B4GALNT3: variants seen among roughly 807,000 people sequenced by gnomAD.
B4GALNT3 encodes the protein beta-1,4-N-acetyl-galactosaminyltransferase 3.
B4GALNT3 carries 86 observed loss-of-function variants against 120.2 expected under a neutral mutation model. The ratio of observed to expected loss-of-function variants is 0.72; its 90% CI spans 0.60 to 0.86. The LOEUF (loss-of-function observed/expected upper bound fraction) is 0.86. Among genes scored for constraint, B4GALNT3 ranks in the 40% least tolerant of loss-of-function variants. The pLI, the probability that B4GALNT3 is intolerant of heterozygous loss-of-function variation, is 0.00. For missense variants in B4GALNT3, 1,167 were observed against 1,298.9 expected, an observed-to-expected ratio of 0.90 and a Z score of 1.56; for synonymous variants, 518 against 510.4, an observed-to-expected ratio of 1.01 and a Z score of -0.20.
intron 1 of B4GALNT3, among the ~76,000 whole-genome samples, chr12:527,871 T>C (rs1946771510): frequency 6.6e-6 from 1 of 151,524 alleles, no homozygotes; most frequent in Admixed American, 6.6e-5. Context: ...TTTTGGGGGC[T>C]TACATGGAGA....
rs1413536564 is a variant in B4GALNT3, at chr12:459,954, G to A, written c.-423G>A. 1.3e-5 allele frequency among the ~76,000 whole-genome samples: 2 copies of A among 151,388 alleles called. No individual in the cohort carries two copies. The highest frequency in any genetic ancestry group is 4.8e-5 in the African/African-American group (2 of 41,294). On this transcript the variant is annotated 5_prime_UTR_variant, in exon 1 of 20. Coordinates refer to ENST00000266383, the MANE Select transcript of B4GALNT3 (RefSeq NM_173593.4). ...GGGGCGGGCCAGGTTCCGCGAGCAGGAGAGCCCAGAGCCCGGAGCCCGGTC... is the reference window on the plus strand; with the variant it reads ...GGGGCGGGCCAGGTTCCGCGAGCAGAAGAGCCCAGAGCCCGGAGCCCGGTC...
At chr12:536,082 C>T (rs938348511) in intron 2 of B4GALNT3, 136 bp from the exon 3 acceptor site, 2 of 673,968 alleles carry the variant, frequency 3.0e-6, no homozygotes, top group African/African-American at 1.8e-5. Context: ...GATGTATTCC[C>T]AGGACATGGT....
At chr12:511,884 T>TCCAC (rs370403107) in intron 1 of B4GALNT3, among the ~76,000 whole-genome samples, 1 of 14,624 alleles carries the variant, frequency 6.8e-5, no homozygotes, top group Admixed American at 8.3e-4. Context: ...CCTTCCACCT[T>TCCAC]CTTCCACCTT....
chr12:525,416 C>T (rs1412129411), intron 1 of B4GALNT3, among the ~76,000 whole-genome samples: 1 of 152,076 alleles, frequency 6.6e-6, no homozygotes, highest in African/African-American at 2.4e-5. Flanking sequence ...GCCAATAACA[C>T]AATTGTCATC....
intron 1 of B4GALNT3, among the ~76,000 whole-genome samples, chr12:523,878 A>G (rs1333285774): frequency 6.6e-6 from 1 of 152,064 alleles, no homozygotes; most frequent in Non-Finnish European, 1.5e-5. Context: ...CTGGCCAAAT[A>G]GTGAAACCCC....
intron 1 of B4GALNT3, among the ~76,000 whole-genome samples, chr12:527,002 C>T (rs1215511738): frequency 6.6e-6 from 1 of 152,166 alleles, no homozygotes; most frequent in Non-Finnish European, 1.5e-5. Context: ...ACTTGTGGCT[C>T]ATTGCAGCCT....
chr12:500,828 C>A (rs1946432214), intron 1 of B4GALNT3, among the ~76,000 whole-genome samples: 1 of 143,862 alleles, frequency 7.0e-6, no homozygotes. Context: ...TTGAACTCAC[C>A]CCTGGATAAA....
At chr12:504,312 CAAAAAAA>C (rs201713327) in intron 1 of B4GALNT3, among the ~76,000 whole-genome samples, 1 of 111,766 alleles carries the variant, frequency 8.9e-6, no homozygotes, top group Admixed American at 8.8e-5. Context: ...CACAATTTTT[CAAAAAAA>C]AAAAAAAGAA....
chr12:495,462 C>G (rs1027310755), intron 1 of B4GALNT3, among the ~76,000 whole-genome samples: 30 of 152,312 alleles, frequency 2.0e-4, no homozygotes, highest in African/African-American at 7.2e-4. Flanking sequence ...AAAGGGTCAT[C>G]TAGACCTCAG....
chr12:545,735 G>A (rs1393275908), intron 6 of B4GALNT3, among the ~76,000 whole-genome samples: 3 of 141,144 alleles, frequency 2.1e-5, no homozygotes, highest in African/African-American at 8.2e-5. Flanking sequence ...GTGGGGAGGA[G>A]CGAGGAGTGG....
At chr12:558,128 G>A (rs977737131) in intron 17 of B4GALNT3, 40 bp downstream of exon 17, 44 of 1,601,730 alleles carry the variant, frequency 2.7e-5, no homozygotes, top group Non-Finnish European at 3.7e-5. Context: ...GGAATTCAAG[G>A]CTGGTTAAGA....
Position 548,289 on chromosome 12 carries a change from T to C in B4GALNT3, c.845T>C (p.Leu282Pro), listed in dbSNP as rs765344595. The C allele has an allele frequency of 6.2e-7, 1 of 1,613,954 alleles. No individual in the cohort carries two copies. Among genetic ancestry groups the C allele is most frequent in the South Asian group, 1.1e-5 (1 of 91,080 alleles). Reference protein sequence around the residue: ...FTIIDSLSLSLFTNETFLQMD... With the variant: ...FTIIDSLSLSPFTNETFLQMD... ...ATCATTGACTCCCTCTCCCTGTCCCTCTTCACAAGTGAGTAGGCTCTGGCC... is the reference window on the plus strand; with the variant it reads ...ATCATTGACTCCCTCTCCCTGTCCCCCTTCACAAGTGAGTAGGCTCTGGCC... The change falls in exon 9 of 20, where the codon CTC becomes CCC. Residue 282 changes from leucine to proline, a missense_variant. Coordinates refer to ENST00000266383, the MANE Select transcript of B4GALNT3 (RefSeq NM_173593.4). The surrounding 1 kb of genome is among the most constrained non-coding windows in gnomAD (Gnocchi z 4.9).
intron 1 of B4GALNT3, among the ~76,000 whole-genome samples, chr12:523,035 A>G (rs1946727302): frequency 6.6e-6 from 1 of 152,156 alleles, no homozygotes; most frequent in Non-Finnish European, 1.5e-5. Flanking sequence ...TTAAATTTAA[A>G]AAAGAGAGAA....
At chr12:551,929 C>T (rs1947088114) in intron 11 of B4GALNT3, 134 bp from the exon 12 acceptor site, 3 of 711,010 alleles carry the variant, frequency 4.2e-6, no homozygotes, top group Non-Finnish European at 7.6e-6. Flanking sequence ...TCAGAGCAAC[C>T]CTTCTCTCCC....
chr12:545,819 A>T (rs1398583145), intron 6 of B4GALNT3, among the ~76,000 whole-genome samples: 1 of 60,030 alleles, frequency 1.7e-5, no homozygotes, highest in Non-Finnish European at 3.0e-5. Flanking sequence ...AGTGGGGAGG[A>T]GCGAGGAGTG....
chr12:497,298 C>A lies in B4GALNT3; in HGVS notation c.169+36753C>A, dbSNP rs555110540. Among the ~76,000 whole-genome samples the A allele has an allele frequency of 2.9e-4, 44 of 152,264 alleles. No individual in the cohort carries two copies. In the South Asian group the frequency reaches 9.2e-3, roughly 32 times the overall value. ...CCTCCTGAGTAGCTGGGATTACAGG[C>A]ACGTGCCACCATGCCTGGTTAATTT... On this transcript the variant is annotated intron_variant, in intron 1 of 19. Transcript: ENST00000266383.
Position 544,343 on chromosome 12 carries a change from G to A in B4GALNT3, c.356G>A (p.Arg119Gln), listed in dbSNP as rs769595274. The A allele has an allele frequency of 1.9e-5, 31 of 1,613,220 alleles. No homozygotes were observed. In the South Asian group the frequency reaches 2.4e-4, roughly 13 times the overall value. The change falls in exon 4 of 20, where the codon CGG becomes CAG. Residue 119 changes from arginine (R) to glutamine (Q), a missense_variant. Arg to Gln is a conservative substitution (Grantham distance 43, BLOSUM62 1). Transcript: ENST00000266383. The stretch of plus-strand genomic sequence containing the variant: ...ACTGGCGTCTCCGCCCTGCAGTTCC[G>A]GGGCCGTGCCAACCTGCATGTGTTT... ...NKPVPWLSEF[R>Q]GRANLHVFED...
chr12:521,139 A>T (rs1946705118), intron 1 of B4GALNT3, among the ~76,000 whole-genome samples: 1 of 152,150 alleles, frequency 6.6e-6, no homozygotes, highest in African/African-American at 2.4e-5. Flanking sequence ...GATTCAGAAC[A>T]TCGCCCTCTC....
rs1947078684 is a variant in B4GALNT3 at position 551,196 on chromosome 12, G to A, written c.1107+165G>A. 2.6e-5 allele frequency among the ~76,000 whole-genome samples: 4 copies of A among 152,240 alleles called. No homozygotes were observed. The South Asian group carries it at 8.3e-4, about 31-fold the overall frequency. On this transcript the variant is annotated intron_variant, in intron 11 of 19. Coordinates refer to ENST00000266383, the MANE Select transcript of B4GALNT3 (RefSeq NM_173593.4). ...GGGCTGGGAAGAACTTGCACTCCCAGATGGACCGCCCTGAATAGACTGTCC... is the reference window on the plus strand; with the variant it reads ...GGGCTGGGAAGAACTTGCACTCCCAAATGGACCGCCCTGAATAGACTGTCC...
Sources: allele counts gnomAD v4.1 joint callset (sites outside exome capture counted in the v4.1 genomes callset), GRCh38; gene constraint gnomAD v4.1.1; non-coding constraint Gnocchi (gnomAD v3.1); transcripts MANE v1.5; gene names NCBI Gene and HGNC (gene_info 2026-07-23, HGNC 2026-07-21).